LARGE1: variants seen among roughly 807,000 people sequenced by gnomAD.
LARGE1 encodes the protein LARGE xylosyl- and glucuronyltransferase 1, also known as xylosyl- and glucuronyltransferase LARGE1.
A neutral mutation model predicts 87.6 loss-of-function variants in LARGE1; 43 were observed. The observed-to-expected ratio is 0.49, with a 90% CI of 0.38 to 0.63. The LOEUF (loss-of-function observed/expected upper bound fraction) is 0.63. Ranked by LOEUF, LARGE1 falls within the 30% of genes least tolerant of loss-of-function variation. The probability of loss-of-function intolerance (pLI) is 0.00; values close to 1 mark genes in which losing one functional copy is unlikely to be tolerated. For synonymous variants in LARGE1, 434 were observed against 394.6 expected (o/e 1.10, Z -1.18); for missense variants, 802 against 1,000.2 (o/e 0.80, Z 2.67).
chr22:33,454,616 TAAAAAAAAAA>T (rs563852024), intron 6 of LARGE1, among the ~76,000 whole-genome samples: 1 of 111,480 alleles, frequency 9.0e-6, no homozygotes, highest in Non-Finnish European at 1.9e-5. Flanking sequence ...AGACTCTGTC[TAAAAAAAAAA>T]AAAAAAAAAG....
intron 6 of LARGE1, chr22:33,562,952 C>T (rs555661923): frequency 6.6e-6 from 1 of 152,534 alleles, no homozygotes. Context: ...CTCTTGAGAA[C>T]AGCACCTATG....
intron 1 of LARGE1, among the ~76,000 whole-genome samples, chr22:33,909,640 G>A (rs916364512): frequency 8.6e-5 from 13 of 151,958 alleles, no homozygotes; most frequent in African/African-American, 1.9e-4. Flanking sequence ...CCGGGTTCAC[G>A]CCATTCTCCT....
intron 1 of LARGE1, among the ~76,000 whole-genome samples, chr22:33,777,391 A>C (rs2085274327): frequency 6.6e-6 from 1 of 152,086 alleles, no homozygotes. Context: ...TAATCCCAGC[A>C]CTTCGGGAGG....
intron 1 of LARGE1, among the ~76,000 whole-genome samples, chr22:33,784,306 C>A (rs1364299024): frequency 6.6e-6 from 1 of 152,132 alleles, no homozygotes; most frequent in Non-Finnish European, 1.5e-5. Flanking sequence ...AAATCCAACC[C>A]TGTAAATTAG....
chr22:33,810,538 G>A (rs1321639492), intron 1 of LARGE1, among the ~76,000 whole-genome samples: 1 of 152,148 alleles, frequency 6.6e-6, no homozygotes, highest in East Asian at 1.9e-4. Flanking sequence ...TCTGGCCAAT[G>A]AAATACGAAT....
chr22:33,723,398 G>A (rs2083168573), intron 2 of LARGE1, among the ~76,000 whole-genome samples: 1 of 152,130 alleles, frequency 6.6e-6, no homozygotes, highest in African/African-American at 2.4e-5. Context: ...TGTGGGTGAT[G>A]TACAAAGAAA....
chr22:33,781,784 G>GCA (rs2085428181), intron 1 of LARGE1, among the ~76,000 whole-genome samples: 1 of 152,120 alleles, frequency 6.6e-6, no homozygotes, highest in Non-Finnish European at 1.5e-5. Flanking sequence ...ACTGCTTTAT[G>GCA]CACACACACA....
At position 33,500,018 on chromosome 22, in the gene LARGE1, C is replaced by T. The variant is rs11912409; in HGVS notation, c.787+64830G>A. Among the ~76,000 whole-genome samples the T allele has an allele frequency of 2.1e-3, 322 of 152,298 alleles. 1 individual carries two copies. Among genetic ancestry groups the T allele is most frequent in the African/African-American group, 7.0e-3 (290 of 41,568 alleles). On this transcript the variant is annotated intron_variant, in intron 6 of 14. Coordinates refer to ENST00000397394, the MANE Select transcript of LARGE1 (RefSeq NM_133642.5). Reference sequence around the variant, plus strand: ...CGAACTCCTGACCTCAGGTGATCTGCCTGCCTCGGCCTCCCAAAGTGCTGG... The same window carrying T: ...CGAACTCCTGACCTCAGGTGATCTGTCTGCCTCGGCCTCCCAAAGTGCTGG...
At chr22:33,428,344 T>A (rs1345092939) in intron 7 of LARGE1, among the ~76,000 whole-genome samples, 34 of 146,264 alleles carry the variant, frequency 2.3e-4, no homozygotes, top group Middle Eastern at 3.4e-3. Context: ...TGAGACAGAG[T>A]CTCAGTCTGT....
At chr22:33,305,946 C>T (rs1934839867) in intron 11 of LARGE1, among the ~76,000 whole-genome samples, 1 of 150,798 alleles carries the variant, frequency 6.6e-6, no homozygotes. Flanking sequence ...TCACGCCATT[C>T]TCCTGCCTCA....
rs970140093 is a variant in LARGE1 at position 33,366,771 on chromosome 22, A to G, written c.1131+15148T>C. Among the ~76,000 whole-genome samples, 10 of 152,194 alleles carry G rather than the reference A, an allele frequency of 6.6e-5. No homozygotes were observed. The Middle Eastern group carries it at 0.024, about 362-fold the overall frequency. The stretch of plus-strand genomic sequence containing the variant: ...TATAAATTACCTAGTTTCAGTCTCG[A>G]GTATGTCTTTATTAACAGCATGAGA... On this transcript the variant is annotated intron_variant, in intron 9 of 14. Coordinates refer to ENST00000397394, the MANE Select transcript of LARGE1 (RefSeq NM_133642.5).
intron 9 of LARGE1, among the ~76,000 whole-genome samples, chr22:33,351,033 C>T (rs1170535934): frequency 3.9e-5 from 6 of 152,208 alleles, no homozygotes; most frequent in African/African-American, 9.6e-5. Flanking sequence ...TTTCATTGCA[C>T]GTTTTGCCTG....
At chr22:33,785,016 CAT>C (rs2085563308) in intron 1 of LARGE1, among the ~76,000 whole-genome samples, 1 of 149,260 alleles carries the variant, frequency 6.7e-6, no homozygotes, top group Non-Finnish European at 1.5e-5. Flanking sequence ...TATGTGTATA[CAT>C]ACATATGTGT....
intron 6 of LARGE1, among the ~76,000 whole-genome samples, chr22:33,473,931 C>A (rs9621707): frequency 0.01 from 1,540 of 152,318 alleles, 26 homozygotes; most frequent in African/African-American, 0.036. Flanking sequence ...CACCTTCTCA[C>A]CATCCCACAG....
At chr22:33,846,041 G>A (rs548738648) in intron 1 of LARGE1, among the ~76,000 whole-genome samples, 2 of 152,084 alleles carry the variant, frequency 1.3e-5, no homozygotes, top group South Asian at 2.1e-4. Context: ...AGAGTTTTCC[G>A]CTGTCTGAAT....
At chr22:33,465,940 T>G (rs1303348630) in intron 6 of LARGE1, among the ~76,000 whole-genome samples, 1 of 152,226 alleles carries the variant, frequency 6.6e-6, no homozygotes, top group Non-Finnish European at 1.5e-5. Flanking sequence ...TACCTGGTGC[T>G]AAGTGGTCAC....
At chr22:33,506,216 T>A (rs951229191) in intron 6 of LARGE1, among the ~76,000 whole-genome samples, 16 of 151,460 alleles carry the variant, frequency 1.1e-4, no homozygotes, top group Non-Finnish European at 1.6e-4. Flanking sequence ...ATATATATAT[T>A]TTTGGACTCA....
At position 33,337,780 on chromosome 22, in the gene LARGE1, TG is replaced by T; in HGVS notation, c.1152del (p.Lys385ArgfsTer5). The T allele has an allele frequency of 6.2e-7, 1 of 1,614,116 alleles. No homozygotes were observed. Among genetic ancestry groups the T allele is most frequent in the Non-Finnish European group, 8.5e-7 (1 of 1,180,016 alleles). On this transcript the variant is annotated frameshift_variant, in exon 10 of 15. Transcript: ENST00000397394. LOFTEE classifies it high-confidence loss of function. ...TGCTTGTTCTTCACCCGGAGCTTCT[TG>T]GGGGAGTTCCAGTGAATGACCTGGC... ...SDLKVIHWNS[P>X]KKLRVKNKHV...
At chr22:33,223,774 T>A (rs1236967603) in intron 11 of LARGE1, among the ~76,000 whole-genome samples, 1 of 152,194 alleles carries the variant, frequency 6.6e-6, no homozygotes, top group Non-Finnish European at 1.5e-5. Context: ...AAGTTCTGCC[T>A]GGACCAGCCT....
Sources: gnomAD v4.1 joint callset for allele counts (sites outside exome capture counted in the v4.1 genomes callset) on GRCh38, gnomAD v4.1.1 for gene constraint, MANE v1.5 for transcripts, NCBI Gene and HGNC (gene_info 2026-07-23, HGNC 2026-07-21) for gene names.